Variants in SPATA13 observed in about 807,000 individuals in gnomAD.
SPATA13 encodes the protein spermatogenesis-associated protein 13.
In SPATA13, 50 loss-of-function variants were observed where a neutral mutation model predicts 104.0. The ratio of observed to expected loss-of-function variants is 0.48; its 90% CI spans 0.38 to 0.61. SPATA13 has a LOEUF of 0.61. SPATA13 is among the 20% of genes least tolerant of loss of function. The pLI, the probability that SPATA13 is intolerant of heterozygous loss-of-function variation, is 0.00. For synonymous variants in SPATA13, 606 were observed against 667.5 expected (o/e 0.91, Z 1.42); for missense variants, 1,524 against 1,690.6 (o/e 0.90, Z 1.73).
At chr13:24,172,070 C>T (rs1019113281) in intron 1 of SPATA13, among the ~76,000 whole-genome samples, 1 of 152,100 alleles carries the variant, frequency 6.6e-6, no homozygotes, top group African/African-American at 2.4e-5. Context: ...TTCCCATCAC[C>T]ACAGGATCCC....
intron 2 of SPATA13, among the ~76,000 whole-genome samples, chr13:24,227,452 A>T (rs919052861): frequency 2.6e-5 from 4 of 152,254 alleles, no homozygotes; most frequent in Non-Finnish European, 4.4e-5. Context: ...CACCAAAGAT[A>T]GAAAGCAGAA....
chr13:24,006,123 C>A (rs1293396662), intron 2 of SPATA13, among the ~76,000 whole-genome samples: 1 of 152,158 alleles, frequency 6.6e-6, no homozygotes, highest in Non-Finnish European at 1.5e-5. Context: ...TGTGAGTAAC[C>A]ACCATAATTC....
At chr13:24,167,106 T>A (rs914605966) in intron 1 of SPATA13, among the ~76,000 whole-genome samples, 1 of 152,232 alleles carries the variant, frequency 6.6e-6, no homozygotes, top group Admixed American at 6.5e-5. Flanking sequence ...TTTGAAAGCT[T>A]CCCAAGCGTA....
chr13:24,234,228 G>A (rs1872448490), intron 2 of SPATA13, among the ~76,000 whole-genome samples: 1 of 152,112 alleles, frequency 6.6e-6, no homozygotes, highest in South Asian at 2.1e-4. Context: ...GAAATGATAG[G>A]AAGCAATATC....
chr13:24,302,757 C>T lies in SPATA13; in HGVS notation c.3818C>T (p.Thr1273Ile). Residue 1273 changes from threonine (T) to isoleucine (I), a missense_variant, in exon 13 of 13, where the codon ACC becomes ATC. Coordinates refer to ENST00000382108, the MANE Select transcript of SPATA13 (RefSeq NM_001166271.3). ...TTCTGGCACACCTTCAACAGGCTCACCCCCTTCCGGAAATGAAAACAGGAG... is the reference window on the plus strand; with the variant it reads ...TTCTGGCACACCTTCAACAGGCTCATCCCCTTCCGGAAATGAAAACAGGAG... ...SLFWHTFNRL[T>I]PFRK The T allele has an allele frequency of 6.2e-7, 1 of 1,614,188 alleles. No individual in the cohort carries two copies. The highest frequency in any genetic ancestry group is 8.5e-7 in the Non-Finnish European group (1 of 1,180,046).
intron 1 of SPATA13, among the ~76,000 whole-genome samples, chr13:24,200,030 G>C (rs1870309380): frequency 6.6e-6 from 1 of 152,148 alleles, no homozygotes; most frequent in Admixed American, 6.5e-5. Flanking sequence ...GTTGATGCCT[G>C]GAAGGTCCCT....
chr13:24,294,628 T>G, intron 9 of SPATA13, 111 bp from the exon 10 acceptor site: 1 of 1,201,620 alleles, frequency 8.3e-7, no homozygotes, highest in Non-Finnish European at 1.1e-6. Flanking sequence ...GACGTAAATG[T>G]CACTTTGTCT....
chr13:24,010,332 T>A (rs1320779475), intron 2 of SPATA13, among the ~76,000 whole-genome samples: 1 of 152,202 alleles, frequency 6.6e-6, no homozygotes, highest in African/African-American at 2.4e-5. Context: ...TGAGTTCTCT[T>A]CTTTGTTCCG....
At chr13:24,260,114 A>G (rs558996994) in intron 4 of SPATA13, among the ~76,000 whole-genome samples, 1 of 152,254 alleles carries the variant, frequency 6.6e-6, no homozygotes, top group East Asian at 1.9e-4. Flanking sequence ...AATGGGAAAA[A>G]CCACCACAAC....
chr13:24,270,092 A>G (rs1027435211), intron 4 of SPATA13, among the ~76,000 whole-genome samples: 5 of 152,164 alleles, frequency 3.3e-5, no homozygotes, highest in Admixed American at 2.0e-4. Context: ...TTGTTCATAA[A>G]GTTAAAAAGG....
At chr13:24,060,813 A>T (rs902877435) in intron 3 of SPATA13, among the ~76,000 whole-genome samples, 1 of 152,224 alleles carries the variant, frequency 6.6e-6, no homozygotes, top group African/African-American at 2.4e-5. Context: ...CTGTAATCCC[A>T]GTACTTTGGG....
Position 24,051,062 on chromosome 13 carries a change from T to C in SPATA13, c.-112+33361T>C, listed in dbSNP as rs939105432. Among the ~76,000 whole-genome samples the C allele has an allele frequency of 4.6e-5, 7 of 152,222 alleles. No homozygotes were observed. Among genetic ancestry groups the C allele is most frequent in the Non-Finnish European group, 5.9e-5 (4 of 68,044 alleles). ...ATCTGCCATCCACCAGCTGGGTAGC[T>C]GTGGGAGCACCTCTTTCCTTCTCCG... On this transcript the variant is annotated intron_variant, in intron 3 of 14. Coordinates refer to the SPATA13 transcript ENST00000424834. This position sits in a 1 kb window ranked among gnomAD's most constrained non-coding sequence, Gnocchi z 4.2.
intron 3 of SPATA13, among the ~76,000 whole-genome samples, chr13:24,039,034 A>C (rs1877819654): frequency 6.6e-6 from 1 of 152,160 alleles, no homozygotes; most frequent in Non-Finnish European, 1.5e-5. Context: ...TCTATCAGAG[A>C]CGATTAAAAA....
intron 3 of SPATA13, among the ~76,000 whole-genome samples, chr13:24,044,233 CTTTTTTTTT>C (rs67709070): frequency 8.1e-6 from 1 of 123,012 alleles, no homozygotes; most frequent in Non-Finnish European, 1.6e-5. Context: ...TTCTTTCTTT[CTTTTTTTTT>C]TTTTTTTTTG....
At chr13:24,289,268 ATTG>A in intron 8 of SPATA13, 90 bp downstream of exon 8, 1 of 1,114,314 alleles carries the variant, frequency 9.0e-7, no homozygotes, top group Non-Finnish European at 1.3e-6. Context: ...CTTTTGTTTT[ATTG>A]TTTGTTTGCT....
At position 24,123,152 on chromosome 13, in the gene SPATA13, A is replaced by G. The variant is rs574902781; in HGVS notation, c.-111-99667A>G. 14 of 1,126,052 alleles carry G rather than the reference A, an allele frequency of 1.2e-5. No homozygotes were observed. In the African/African-American group the frequency reaches 2.0e-4, roughly 16 times the overall value. 69.8% of individuals were successfully genotyped at this position (1,126,052 alleles called of 1,614,324 possible). On this transcript the variant is annotated intron_variant, in intron 3 of 14. Transcript: ENST00000424834. ...GGTCATCATTTTCTGTTTCTCTGAT[A>G]ATATGAAGAAGAGCCTGCATTACAG... is the stretch of plus-strand genomic sequence containing the variant.
rs529475224 is a variant in SPATA13, at chr13:24,136,522, A to G, written c.-111-86297A>G. On this transcript the variant is annotated intron_variant, in intron 3 of 14. Coordinates refer to the SPATA13 transcript ENST00000424834. ...AAGAAAGTGAGAGAGAGGGAGAGAG[A>G]AAAAGAGAGGGAGGGAGGGAAAGAA... Among the ~76,000 whole-genome samples the G allele has an allele frequency of 2.7e-3, 405 of 152,196 alleles. 4 individuals carry two copies. Among genetic ancestry groups the G allele is most frequent in the Non-Finnish European group, 2.1e-3 (140 of 67,994 alleles).
chr13:24,231,182 A>G (rs1872252094), intron 2 of SPATA13, among the ~76,000 whole-genome samples: 1 of 152,084 alleles, frequency 6.6e-6, no homozygotes, highest in South Asian at 2.1e-4. Flanking sequence ...TTATATGTTT[A>G]TGGAGCTCTG....
At chr13:24,201,019 T>C (rs1007031454) in intron 1 of SPATA13, among the ~76,000 whole-genome samples, 5 of 147,930 alleles carry the variant, frequency 3.4e-5, no homozygotes, top group African/African-American at 1.3e-4. Context: ...AATTTTAAAT[T>C]CAGCTAGTCA....
Sources: allele counts gnomAD v4.1 joint callset (sites outside exome capture counted in the v4.1 genomes callset), GRCh38; gene constraint gnomAD v4.1.1; non-coding constraint Gnocchi (gnomAD v3.1); transcripts MANE v1.5; gene names NCBI Gene and HGNC (gene_info 2026-07-23, HGNC 2026-07-21).